Variants in SRBD1 observed in about 807,000 individuals in gnomAD.
The protein encoded by SRBD1 is S1 RNA-binding domain-containing protein 1.
Under a neutral mutation model 115.3 loss-of-function variants are expected in SRBD1, and 88 were observed. The observed-to-expected ratio is 0.76, with a 90% CI of 0.64 to 0.91. The LOEUF is 0.91. SRBD1 is among the 40% of genes least tolerant of loss of function. The pLI is 0.00. For missense variants in SRBD1, 1,385 were observed against 1,177.4 expected, an observed-to-expected ratio of 1.18 and a Z score of -2.58; for synonymous variants, 509 against 407.7, an observed-to-expected ratio of 1.25 and a Z score of -2.99.
chr2:45,470,776 G>A (rs1669625569), intron 16 of SRBD1, among the ~76,000 whole-genome samples: 1 of 151,860 alleles, frequency 6.6e-6, no homozygotes, highest in Admixed American at 6.6e-5. Context: ...AGTCTTTAGG[G>A]GTCAGTTAGG....
intron 19 of SRBD1, among the ~76,000 whole-genome samples, chr2:45,411,640 G>C (rs1667606331): frequency 6.6e-6 from 1 of 152,150 alleles, no homozygotes; most frequent in South Asian, 2.1e-4. Flanking sequence ...TTACACAGAA[G>C]TAGGTATTTG....
chr2:45,445,415 G>A (rs888325509), intron 16 of SRBD1, among the ~76,000 whole-genome samples: 1 of 151,578 alleles, frequency 6.6e-6, no homozygotes, highest in African/African-American at 2.4e-5. Flanking sequence ...GAAATCTTGG[G>A]GGGAGTCACA....
At chr2:45,544,460 G>A (rs972250746) in intron 14 of SRBD1, among the ~76,000 whole-genome samples, 2 of 152,152 alleles carry the variant, frequency 1.3e-5, no homozygotes, top group African/African-American at 2.4e-5. Flanking sequence ...ATCAGAGGCA[G>A]TAGGTGGCAG....
intron 19 of SRBD1, among the ~76,000 whole-genome samples, chr2:45,394,987 G>A (rs1445382367): frequency 4.6e-5 from 7 of 152,188 alleles, no homozygotes; most frequent in Non-Finnish European, 8.8e-5. Flanking sequence ...GCTGATGGAC[G>A]AACAGTAGCA....
intron 19 of SRBD1, among the ~76,000 whole-genome samples, chr2:45,408,905 T>C (rs1298659092): frequency 6.6e-6 from 1 of 152,128 alleles, no homozygotes; most frequent in Non-Finnish European, 1.5e-5. Flanking sequence ...AACTAGATTA[T>C]GGAAACAAAC....
chr2:45,556,818 T>A (rs1323438113), intron 10 of SRBD1, among the ~76,000 whole-genome samples: 1 of 152,114 alleles, frequency 6.6e-6, no homozygotes, highest in East Asian at 1.9e-4. Context: ...TATTTCTTCA[T>A]CAGTAAAATG....
intron 4 of SRBD1, among the ~76,000 whole-genome samples, chr2:45,596,583 TTCTG>T (rs1436808336): frequency 2.0e-5 from 3 of 152,328 alleles, no homozygotes; most frequent in Middle Eastern, 3.4e-3. Context: ...CAAAACTGTT[TTCTG>T]TCTATTTTAC....
At chr2:45,604,398 A>AGGGGGGGGGGGGGGGG (rs1179478169) in intron 2 of SRBD1, among the ~76,000 whole-genome samples, 1 of 140,202 alleles carries the variant, frequency 7.1e-6, no homozygotes, top group African/African-American at 2.8e-5. Context: ...GGGTGGAGGA[A>AGGGGGGGGGGGGGGGG]GGGGAGGGCT....
At chr2:45,476,941 C>T in intron 16 of SRBD1, 52 bp downstream of exon 16, 1 of 1,526,942 alleles carries the variant, frequency 6.5e-7, no homozygotes, top group East Asian at 2.3e-5. Flanking sequence ...GGTTTGAGTA[C>T]TGCTCCTTGT....
At chr2:45,414,496 A>G (rs1667707255) in intron 18 of SRBD1, among the ~76,000 whole-genome samples, 1 of 150,764 alleles carries the variant, frequency 6.6e-6, no homozygotes, top group South Asian at 2.1e-4. Context: ...CAGTGTGTAT[A>G]TAGTGTGTGT....
chr2:45,603,910 A>G (rs1358634356), intron 2 of SRBD1, among the ~76,000 whole-genome samples: 1 of 152,092 alleles, frequency 6.6e-6, no homozygotes, highest in Non-Finnish European at 1.5e-5. Flanking sequence ...TTTCACCTGA[A>G]TGTCCAGCAA....
At chr2:45,569,566 CTCTT>C (rs747905934) in intron 9 of SRBD1, 25 of 152,080 alleles carry the variant, frequency 1.6e-4, no homozygotes, top group Admixed American at 2.6e-4. Flanking sequence ...CTATTATTCT[CTCTT>C]TATAGCAGTA....
chr2:45,458,794 G>A (rs1361933230), intron 16 of SRBD1, among the ~76,000 whole-genome samples: 2 of 152,108 alleles, frequency 1.3e-5, no homozygotes, highest in African/African-American at 4.8e-5. Flanking sequence ...ATGAATTTCA[G>A]AAGTCTCTTC....
At chr2:45,427,323 A>G (rs748038202) in intron 16 of SRBD1, among the ~76,000 whole-genome samples, 5 of 152,204 alleles carry the variant, frequency 3.3e-5, no homozygotes, top group Admixed American at 6.5e-5. Context: ...AATAAAAGAC[A>G]CAGACTGGCA....
At chr2:45,539,170 A>T (rs1671854627) in intron 14 of SRBD1, among the ~76,000 whole-genome samples, 1 of 152,122 alleles carries the variant, frequency 6.6e-6, no homozygotes, top group Middle Eastern at 3.2e-3. Flanking sequence ...TTCATCTTTC[A>T]CTGAAAACAA....
intron 14 of SRBD1, among the ~76,000 whole-genome samples, chr2:45,492,642 T>C (rs1023650164): frequency 1.3e-5 from 2 of 152,168 alleles, no homozygotes; most frequent in African/African-American, 4.8e-5. Context: ...GGTTTCACCA[T>C]GTTAGCCACG....
chr2:45,570,429 T>C (rs1672970401), intron 9 of SRBD1, among the ~76,000 whole-genome samples: 1 of 152,106 alleles, frequency 6.6e-6, no homozygotes, highest in Admixed American at 6.5e-5. Flanking sequence ...TTATATAACG[T>C]TAAAAGCCAC....
intron 12 of SRBD1, among the ~76,000 whole-genome samples, chr2:45,550,713 T>C (rs1672268934): frequency 6.6e-6 from 1 of 152,048 alleles, no homozygotes; most frequent in East Asian, 1.9e-4. Flanking sequence ...GCAAAAGAAA[T>C]GAAGAATATC....
rs138960320 is a variant in SRBD1, at chr2:45,390,224, T to C, written c.2699-625A>G. On this transcript the variant is annotated intron_variant, in intron 20 of 20. Transcript: ENST00000263736. ...ATCCCAGACCAGGTAGTATCTAATA[T>C]TCTTTCTCTTCTTTCAATTAAATTC... Among the ~76,000 whole-genome samples, 472 of 152,340 alleles carry C rather than the reference T, an allele frequency of 3.1e-3. 1 individual carries two copies. Among genetic ancestry groups the C allele is most frequent in the African/African-American group, 0.011 (443 of 41,588 alleles).
Sources: allele counts gnomAD v4.1 joint callset (sites outside exome capture counted in the v4.1 genomes callset), GRCh38; gene constraint gnomAD v4.1.1; transcripts MANE v1.5; gene names NCBI Gene and HGNC (gene_info 2026-07-23, HGNC 2026-07-21).